Variants in RBFOX1 observed in about 807,000 individuals in gnomAD.
The protein encoded by RBFOX1 is RNA binding protein fox-1 homolog 1.
RBFOX1 carries 8 observed loss-of-function variants against 57.7 expected under a neutral mutation model. The ratio of observed to expected loss-of-function variants is 0.14; its 90% CI spans 0.08 to 0.25. The LOEUF is 0.25. Among genes scored for constraint, RBFOX1 ranks in the 10% least tolerant of loss-of-function variants. RBFOX1 has a pLI of 1.00. For synonymous variants in RBFOX1, 326 were observed against 222.4 expected (o/e 1.47, Z -4.15); for missense variants, 611 against 548.5 (o/e 1.11, Z -1.14).
chr16:5,983,419 A>C (rs1359940696), intron 4 of RBFOX1, among the ~76,000 whole-genome samples: 1 of 152,192 alleles, frequency 6.6e-6, no homozygotes, highest in Non-Finnish European at 1.5e-5. Context: ...CGGTCTCCCA[A>C]GGAGTGTGTG....
chr16:5,899,584 A>G (rs1160160964), intron 4 of RBFOX1, among the ~76,000 whole-genome samples: 2 of 152,192 alleles, frequency 1.3e-5, no homozygotes, highest in African/African-American at 4.8e-5. Context: ...ATTGAGCAAA[A>G]AGAGGAAGTA....
chr16:6,259,627 A>G (rs1269147896), intron 1 of RBFOX1, among the ~76,000 whole-genome samples: 1 of 152,096 alleles, frequency 6.6e-6, no homozygotes, highest in Non-Finnish European at 1.5e-5. Flanking sequence ...TGGTGACTGA[A>G]AAATATCTGC....
intron 1 of RBFOX1, among the ~76,000 whole-genome samples, chr16:5,316,761 G>A (rs2064250137): frequency 6.6e-6 from 1 of 152,138 alleles, no homozygotes; most frequent in South Asian, 2.1e-4. Flanking sequence ...CTGCTGAAAG[G>A]GAAACCCAGG....
In RBFOX1 at chr16:5,579,102, C is replaced by T. The variant is rs141385752; in HGVS notation, c.259-19800C>T. On this transcript the variant is annotated intron_variant, in intron 2 of 2. Transcript: ENST00000585867. ...ACCTCAGGTGATCCCACTGCCTCAG[C>T]CTCCCAAAGTGCTGGGATTAGAGGC... Among the ~76,000 whole-genome samples, 948 of 152,222 alleles carry T rather than the reference C, an allele frequency of 6.2e-3. 8 individuals are homozygous for T. Among genetic ancestry groups the T allele is most frequent in the Middle Eastern group, 0.037 (11 of 294 alleles).
intron 4 of RBFOX1, among the ~76,000 whole-genome samples, chr16:7,204,970 A>C (rs774806942): frequency 1.5e-4 from 23 of 152,216 alleles, no homozygotes; most frequent in Non-Finnish European, 3.4e-4. Flanking sequence ...TTTTGTCCCA[A>C]AGAATATTGT....
At chr16:6,850,700 A>T (rs2094012440) in intron 3 of RBFOX1, among the ~76,000 whole-genome samples, 1 of 152,200 alleles carries the variant, frequency 6.6e-6, no homozygotes, top group Non-Finnish European at 1.5e-5. Flanking sequence ...GCAGAAAAAA[A>T]ATCAATTTGT....
intron 3 of RBFOX1, among the ~76,000 whole-genome samples, chr16:5,624,100 A>G (rs1287353185): frequency 6.6e-6 from 1 of 152,214 alleles, no homozygotes; most frequent in Non-Finnish European, 1.5e-5. Context: ...GAGTTTGGGG[A>G]TTTGGAAAAG....
chr16:6,507,751 A>G (rs896493244), intron 2 of RBFOX1, among the ~76,000 whole-genome samples: 1 of 152,108 alleles, frequency 6.6e-6, no homozygotes, highest in Non-Finnish European at 1.5e-5. Context: ...TTCCACTTAT[A>G]TAAAGTATCT....
At chr16:5,987,304 G>A (rs943608658) in intron 4 of RBFOX1, among the ~76,000 whole-genome samples, 1 of 152,082 alleles carries the variant, frequency 6.6e-6, no homozygotes, top group Admixed American at 6.6e-5. Context: ...GGGGTATGTG[G>A]TTTACAAATA....
intron 2 of RBFOX1, among the ~76,000 whole-genome samples, chr16:6,472,137 A>T (rs1327466832): frequency 1.3e-5 from 2 of 152,152 alleles, no homozygotes; most frequent in African/African-American, 4.8e-5. Flanking sequence ...GAGCTTAACC[A>T]TTCCATCCAC....
chr16:7,679,193 G>T (rs1381257649), intron 14 of RBFOX1, among the ~76,000 whole-genome samples: 2 of 152,160 alleles, frequency 1.3e-5, no homozygotes. Flanking sequence ...TCTGTAATAA[G>T]CAGATATTGA....
intron 3 of RBFOX1, among the ~76,000 whole-genome samples, chr16:5,664,574 C>A (rs2049770564): frequency 6.6e-6 from 1 of 152,068 alleles, no homozygotes; most frequent in African/African-American, 2.4e-5. Context: ...CCTGTTCCTG[C>A]TCCCAGAGTT....
intron 1 of RBFOX1, among the ~76,000 whole-genome samples, chr16:6,274,868 TAAG>T (rs1333246165): frequency 1.3e-5 from 2 of 152,236 alleles, no homozygotes. Flanking sequence ...CTGTTCTTTT[TAAG>T]AAGAAGAGTT....
At chr16:6,669,655 T>G (rs2098752185) in intron 3 of RBFOX1, among the ~76,000 whole-genome samples, 1 of 152,232 alleles carries the variant, frequency 6.6e-6, no homozygotes, top group Non-Finnish European at 1.5e-5. Flanking sequence ...CTTTTGCGTG[T>G]GTGTTTGAGT....
rs1267892647 is a variant in RBFOX1, at chr16:6,507,258, A to C, written c.-63-147345A>C. ...ACAAAATTACTTAAAACATAAATCA[A>C]CTATACACCCATTTTCATAGCAGCA... On this transcript the variant is annotated intron_variant, in intron 2 of 15. Coordinates refer to ENST00000550418, the MANE Select transcript of RBFOX1 (RefSeq NM_018723.4). 2.0e-5 allele frequency among the ~76,000 whole-genome samples: 3 copies of C among 152,050 alleles called. No individual in the cohort carries two copies. The East Asian group carries it at 5.8e-4, about 29-fold the overall frequency.
At chr16:7,584,181 A>G (rs2093970006) in intron 6 of RBFOX1, among the ~76,000 whole-genome samples, 1 of 152,202 alleles carries the variant, frequency 6.6e-6, no homozygotes, top group South Asian at 2.1e-4. Context: ...TTTATGCTGT[A>G]TCCATTGAAC....
chr16:6,447,459 T>C (rs1479151407), intron 2 of RBFOX1, among the ~76,000 whole-genome samples: 2 of 152,200 alleles, frequency 1.3e-5, no homozygotes, highest in Non-Finnish European at 2.9e-5. Context: ...TGGACTGATA[T>C]TACATTCTGA....
At chr16:6,543,586 G>T (rs2096854336) in intron 2 of RBFOX1, among the ~76,000 whole-genome samples, 1 of 152,118 alleles carries the variant, frequency 6.6e-6, no homozygotes, top group African/African-American at 2.4e-5. Context: ...GCTGCTTTGG[G>T]TTGTTTTGCT....
Position 5,429,953 on chromosome 16 carries a change from C to G in RBFOX1, c.220-37263C>G, listed in dbSNP as rs140982824. Among the ~76,000 whole-genome samples, 179 of 152,300 alleles carry G rather than the reference C, an allele frequency of 1.2e-3. 1 individual carries two copies. Among genetic ancestry groups the G allele is most frequent in the Non-Finnish European group, 2.2e-3 (151 of 68,022 alleles). ...CTTCACTCTGAAGGTTTGTGGTGCACTTCTTCATTTTGCTTATCACTGAAG... is the reference window on the plus strand; with the variant it reads ...CTTCACTCTGAAGGTTTGTGGTGCAGTTCTTCATTTTGCTTATCACTGAAG... On this transcript the variant is annotated intron_variant, in intron 1 of 2. Transcript: ENST00000585867.
Sources: allele counts gnomAD v4.1 joint callset (sites outside exome capture counted in the v4.1 genomes callset), GRCh38; gene constraint gnomAD v4.1.1; transcripts MANE v1.5; gene names NCBI Gene and HGNC (gene_info 2026-07-23, HGNC 2026-07-21).